The following TBC1D16 variants were observed in gnomAD, a reference collection of about 807,000 sequenced individuals.
TBC1D16 encodes CTD-2529O21.1.
A neutral mutation model predicts 74.7 loss-of-function variants in TBC1D16; 58 were observed. The ratio of observed to expected loss-of-function variants is 0.78; its 90% CI spans 0.63 to 0.97. TBC1D16 has a LOEUF of 0.97. TBC1D16 is among the 50% of genes least tolerant of loss of function. The pLI is 0.00. For missense variants in TBC1D16, 1,014 were observed against 1,079.5 expected, an observed-to-expected ratio of 0.94 and a Z score of 0.85; for synonymous variants, 493 against 474.7, an observed-to-expected ratio of 1.04 and a Z score of -0.50.
At chr17:80,030,091 G>A (rs986449262) in intron 1 of TBC1D16, among the ~76,000 whole-genome samples, 9 of 152,136 alleles carry the variant, frequency 5.9e-5, no homozygotes, top group Admixed American at 5.9e-4. Flanking sequence ...TTCAAGGTCA[G>A]CTGCTGAGCA....
At chr17:79,977,548 GGAGA>G (rs900005027) in intron 3 of TBC1D16, among the ~76,000 whole-genome samples, 1 of 152,266 alleles carries the variant, frequency 6.6e-6, no homozygotes, top group South Asian at 2.1e-4. Flanking sequence ...GGGTGACGGA[GGAGA>G]GAGAGCTCTC....
chr17:79,965,041 TATC>T lies in TBC1D16; in HGVS notation c.780-12226_780-12224del, dbSNP rs550961168. Among the ~76,000 whole-genome samples the T allele has an allele frequency of 5.8e-3, 887 of 152,180 alleles. 2 individuals carry two copies. Among genetic ancestry groups the T allele is most frequent in the Non-Finnish European group, 9.0e-3 (610 of 68,020 alleles). On this transcript the variant is annotated intron_variant, in intron 3 of 11. Coordinates refer to ENST00000310924, the MANE Select transcript of TBC1D16 (RefSeq NM_019020.4). ...AAAGAATTTTCTAAAAGGCATAATG[TATC>T]ATTCTGATAATCAGAAATAATAAGC...
rs2031569976 is a variant in TBC1D16, at chr17:79,936,119, C to T, written c.*4740G>A. 1 of 152,390 alleles carries T rather than the reference C, an allele frequency of 6.6e-6. No individual in the cohort carries two copies. The allele number at this position is 152,390 out of a possible 1,614,324, so 9.4% of individuals were successfully genotyped here. On this transcript the variant is annotated 3_prime_UTR_variant, in exon 12 of 12. Transcript: ENST00000310924. ...GGGGTAGGACCTGCAGGGCCCACAC[C>T]ACCCTTCTGATGGAGAGCTTTGCAC... is the stretch of plus-strand genomic sequence containing the variant.
intron 8 of TBC1D16, among the ~76,000 whole-genome samples, chr17:79,948,297 A>G (rs928367578): frequency 7.2e-6 from 1 of 138,830 alleles, no homozygotes; most frequent in African/African-American, 2.8e-5. Flanking sequence ...TGGATGACAG[A>G]GCGAGACTCC....
Position 79,994,691 on chromosome 17 carries a change from T to A in TBC1D16, c.779+15469A>T, listed in dbSNP as rs1455023963. Among the ~76,000 whole-genome samples, 1 of 152,140 alleles carries A rather than the reference T, an allele frequency of 6.6e-6. No homozygotes were observed. The highest frequency in any genetic ancestry group is 2.4e-5 in the African/African-American group (1 of 41,456). The stretch of plus-strand genomic sequence containing the variant: ...CACCAGCCTCGGCATCCCAAAGTGC[T>A]GGGATTACAGGCGTGAGCCATTGCG... On this transcript the variant is annotated intron_variant, in intron 3 of 11. Transcript: ENST00000310924. The surrounding 1 kb of genome is among the most constrained non-coding windows in gnomAD (Gnocchi z 4.6).
rs2033226868 is a variant in TBC1D16, at chr17:79,954,229, A to G, written c.780-1411T>C. 6.6e-6 allele frequency among the ~76,000 whole-genome samples: 1 copy of G among 152,190 alleles called. No individual in the cohort carries two copies. On this transcript the variant is annotated intron_variant, in intron 3 of 11. Coordinates refer to ENST00000310924, the MANE Select transcript of TBC1D16 (RefSeq NM_019020.4). The surrounding 1 kb of genome is among the most constrained non-coding windows in gnomAD (Gnocchi z 5.5). ...GCTCAGAACATAAACTATTAGAGGC[A>G]ATCAATCCAGAGGCACTTCCTCCTC... is the stretch of plus-strand genomic sequence containing the variant.
At chr17:80,030,767 A>C (rs2036748640) in intron 1 of TBC1D16, among the ~76,000 whole-genome samples, 1 of 151,986 alleles carries the variant, frequency 6.6e-6, no homozygotes, top group South Asian at 2.1e-4. Flanking sequence ...GCAGGGGCAG[A>C]GGCAGAGGCA....
At position 79,941,115 on chromosome 17, in the gene TBC1D16, CAG is replaced by C. The variant is rs1285604318; in HGVS notation, c.2056-10_2056-9del. ...GTACAGCAAACTCCTCGCCTGCAGA[CAG>C]AGGACGGGGGGTGAGGAGGGGCCGG... On this transcript the variant is annotated splice_polypyrimidine_tract_variant and intron_variant, in intron 11 of 11. Coordinates refer to ENST00000310924, the MANE Select transcript of TBC1D16 (RefSeq NM_019020.4). The surrounding 1 kb of genome is among the most constrained non-coding windows in gnomAD (Gnocchi z 4.3). 1 of 1,561,246 alleles carries C rather than the reference CAG, an allele frequency of 6.4e-7. No homozygotes were observed. The highest frequency in any genetic ancestry group is 8.7e-7 in the Non-Finnish European group (1 of 1,148,514).
intron 3 of TBC1D16, among the ~76,000 whole-genome samples, chr17:79,972,416 C>A (rs931902657): frequency 1.6e-4 from 24 of 152,116 alleles, no homozygotes; most frequent in Admixed American, 1.6e-3. Flanking sequence ...ACCTCGTGGT[C>A]CACCCGCCTT....
In TBC1D16 at chr17:79,944,097, A is replaced by C. The variant is rs1363117464; in HGVS notation, c.1908+811T>G. ...GTGGCTTCAGACTCGCTTTCATCAG[A>C]CATCAGCCCCCTGCGGTGTGAGTGA... On this transcript the variant is annotated intron_variant, in intron 10 of 11. Transcript: ENST00000310924. This position sits in a 1 kb window ranked among gnomAD's most constrained non-coding sequence, Gnocchi z 7.7. 1 of 1,536,048 alleles carries C rather than the reference A, an allele frequency of 6.5e-7. No homozygotes were observed. Among genetic ancestry groups the C allele is most frequent in the South Asian group, 1.2e-5 (1 of 84,060 alleles).
Position 79,947,735 on chromosome 17 carries a change from A to G in TBC1D16, c.1638T>C (p.Asp546=), listed in dbSNP as rs867624245. 6.2e-7 allele frequency: 1 copy of G among 1,613,888 alleles called. No homozygotes were observed. The highest frequency in any genetic ancestry group is 8.5e-7 in the Non-Finnish European group (1 of 1,180,014). The part of the protein sequence containing the change: ...LVAPILAEVL[D]ESDTFWCFVG... ...CAAAGCACCAGAAGGTGTCTGACTC[A>G]TCCAGGACCTCGGCCAAGATGGGCG... Residue 546 remains aspartate, a synonymous_variant, in exon 9 of 12, where the codon GAT becomes GAC. Coordinates refer to ENST00000310924, the MANE Select transcript of TBC1D16 (RefSeq NM_019020.4).
At chr17:80,012,869 G>A (rs766124479) in intron 2 of TBC1D16, among the ~76,000 whole-genome samples, 1 of 152,138 alleles carries the variant, frequency 6.6e-6, no homozygotes, top group African/African-American at 2.4e-5. Context: ...GACGGCAACA[G>A]GAAGAAATGA....
At position 79,932,719 on chromosome 17, in the gene TBC1D16, T is replaced by C. The variant is rs1047485767; in HGVS notation, c.*8140A>G. On this transcript the variant is annotated 3_prime_UTR_variant, in exon 12 of 12. Coordinates refer to ENST00000310924, the MANE Select transcript of TBC1D16 (RefSeq NM_019020.4). ...TGTGGCCTTGGTGAAGGCTTCCCAC[T>C]TTGGTGACTTGCATGTGCCCCTCTT... 2.0e-5 allele frequency: 3 copies of C among 152,200 alleles called. No individual in the cohort carries two copies. The highest frequency in any genetic ancestry group is 2.0e-4 in the Admixed American group (3 of 15,282). The allele number at this position is 152,200 out of a possible 1,614,324, so 9.4% of individuals were successfully genotyped here.
At chr17:79,957,048 G>A (rs1281716014) in intron 3 of TBC1D16, among the ~76,000 whole-genome samples, 1 of 152,170 alleles carries the variant, frequency 6.6e-6, no homozygotes, top group Non-Finnish European at 1.5e-5. Flanking sequence ...CCCTCCACCC[G>A]TGACTGCCAA....
intron 3 of TBC1D16, among the ~76,000 whole-genome samples, chr17:79,973,064 A>G (rs1346920439): frequency 1.3e-5 from 2 of 152,262 alleles, no homozygotes; most frequent in African/African-American, 2.4e-5. Flanking sequence ...CCTGGGCAAC[A>G]GAGCGAGACT....
At position 79,986,287 on chromosome 17, in the gene TBC1D16, G is replaced by A. The variant is rs186420594; in HGVS notation, c.779+23873C>T. Among the ~76,000 whole-genome samples, 5 of 152,292 alleles carry A rather than the reference G, an allele frequency of 3.3e-5. No individual in the cohort carries two copies. The highest frequency in any genetic ancestry group is 3.3e-4 in the Admixed American group (5 of 15,300). On this transcript the variant is annotated intron_variant, in intron 3 of 11. Coordinates refer to ENST00000310924, the MANE Select transcript of TBC1D16 (RefSeq NM_019020.4). This position sits in a 1 kb window ranked among gnomAD's most constrained non-coding sequence, Gnocchi z 6.0. ...ACTTTATTCACTGGTCTTGGACTTG[G>A]GGCCCCAGGTCTATATCCCAAGGCC... is the stretch of plus-strand genomic sequence containing the variant.
At chr17:79,989,730 T>C (rs1022946781) in intron 3 of TBC1D16, among the ~76,000 whole-genome samples, 1 of 152,220 alleles carries the variant, frequency 6.6e-6, no homozygotes, top group Non-Finnish European at 1.5e-5. Context: ...ACGAATGTCC[T>C]CTCTGCACAA....
At chr17:80,023,317 T>C (rs760691947) in intron 1 of TBC1D16, among the ~76,000 whole-genome samples, 48 of 149,922 alleles carry the variant, frequency 3.2e-4, no homozygotes, top group Middle Eastern at 3.4e-3. Context: ...CCAGGGGTAT[T>C]GCGAACGGGC....
intron 3 of TBC1D16, among the ~76,000 whole-genome samples, chr17:80,005,147 A>G (rs960584199): frequency 1.3e-5 from 2 of 152,170 alleles, no homozygotes; most frequent in African/African-American, 4.8e-5. Context: ...TGGTGCGATC[A>G]TGGCTCACTG....
Sources: allele counts gnomAD v4.1 joint callset (sites outside exome capture counted in the v4.1 genomes callset), GRCh38; gene constraint gnomAD v4.1.1; non-coding constraint Gnocchi (gnomAD v3.1); transcripts MANE v1.5; gene names NCBI Gene and HGNC (gene_info 2026-07-23, HGNC 2026-07-21).